Variants in RAP1GDS1 observed in about 807,000 individuals in gnomAD.
RAP1GDS1 encodes the protein Rap1 GTPase-GDP dissociation stimulator 1.
In RAP1GDS1, 35 loss-of-function variants were observed where a neutral mutation model predicts 71.1. The ratio of observed to expected loss-of-function variants is 0.49; its 90% confidence interval spans 0.38 to 0.65. The LOEUF is 0.65. Ranked by LOEUF, RAP1GDS1 falls within the 30% of genes least tolerant of loss-of-function variation. The probability of loss-of-function intolerance (pLI) is 0.00; values close to 1 mark genes in which losing one functional copy is unlikely to be tolerated. For missense variants in RAP1GDS1, 663 were observed against 706.1 expected (o/e 0.94, Z 0.69); for synonymous variants, 229 against 243.1 (o/e 0.94, Z 0.54).
chr4:98,263,992 A>G (rs950517796), intron 1 of RAP1GDS1, among the ~76,000 whole-genome samples: 22 of 152,246 alleles, frequency 1.4e-4, no homozygotes, highest in African/African-American at 5.1e-4. Flanking sequence ...ACAGTTTTAT[A>G]TCTGGGCCAA....
intron 12 of RAP1GDS1, among the ~76,000 whole-genome samples, chr4:98,427,517 T>C (rs1010318048): frequency 2.6e-5 from 4 of 151,988 alleles, no homozygotes; most frequent in Admixed American, 6.6e-5. Context: ...TTCAGCAAAG[T>C]TTCCAGATAC....
intron 5 of RAP1GDS1, among the ~76,000 whole-genome samples, chr4:98,380,370 T>G (rs1741825446): frequency 1.3e-5 from 2 of 151,954 alleles, no homozygotes; most frequent in South Asian, 4.1e-4. Flanking sequence ...TTTTTAATAC[T>G]ATAGAAGCTA....
intron 12 of RAP1GDS1, among the ~76,000 whole-genome samples, chr4:98,425,555 A>G (rs1749499130): frequency 6.6e-6 from 1 of 152,236 alleles, no homozygotes. Flanking sequence ...GTAAATGGAT[A>G]CCAAAAGTCA....
chr4:98,289,799 C>A (rs1303607072), intron 1 of RAP1GDS1, among the ~76,000 whole-genome samples: 1 of 151,966 alleles, frequency 6.6e-6, no homozygotes, highest in Admixed American at 6.6e-5. Flanking sequence ...AAGCCAGGTG[C>A]CCCAAATTGA....
intron 2 of RAP1GDS1, among the ~76,000 whole-genome samples, chr4:98,314,635 G>C (rs954852515): frequency 6.6e-6 from 1 of 152,126 alleles, no homozygotes; most frequent in African/African-American, 2.4e-5. Flanking sequence ...TATTCAACTA[G>C]CATTAATTGT....
intron 5 of RAP1GDS1, among the ~76,000 whole-genome samples, chr4:98,390,053 A>G (rs1743371894): frequency 6.6e-6 from 1 of 152,198 alleles, no homozygotes; most frequent in Admixed American, 6.5e-5. Flanking sequence ...AGTATTTGAC[A>G]AAGTAGTGAA....
In RAP1GDS1 at chr4:98,295,336, A is replaced by G. The variant is rs574636604; in HGVS notation, c.112+1821A>G. Among the ~76,000 whole-genome samples the G allele has an allele frequency of 1.8e-3, 279 of 152,266 alleles. 1 individual carries two copies. Among genetic ancestry groups the G allele is most frequent in the South Asian group, 0.018 (86 of 4,828 alleles). The stretch of plus-strand genomic sequence containing the variant: ...TCACCAATTTAACTAATGATGCCCC[A>G]GGAAGGGAACAAAAGGAATGTCTTG... On this transcript the variant is annotated intron_variant, in intron 2 of 14. Transcript: ENST00000408927.
At chr4:98,379,197 G>C in intron 5 of RAP1GDS1, 34 bp downstream of exon 5, 1 of 1,509,008 alleles carries the variant, frequency 6.6e-7, no homozygotes, top group Non-Finnish European at 8.8e-7. Flanking sequence ...TTATCTCTGG[G>C]GGAAAAATTA....
chr4:98,398,202 TGGAGAAATA>T (rs1302604990), intron 6 of RAP1GDS1, among the ~76,000 whole-genome samples: 1 of 150,144 alleles, frequency 6.7e-6, no homozygotes, highest in African/African-American at 2.5e-5. Context: ...AGACAAAAAT[TGGAGAAATA>T]GTTGTACGAG....
At chr4:98,343,420 C>T in intron 3 of RAP1GDS1, 159 bp downstream of exon 3, 1 of 906,972 alleles carries the variant, frequency 1.1e-6, no homozygotes, top group Non-Finnish European at 1.6e-6. Flanking sequence ...TTTTAAATGG[C>T]TATAGTTACA....
intron 4 of RAP1GDS1, among the ~76,000 whole-genome samples, chr4:98,378,647 A>G (rs1285517915): frequency 2.0e-5 from 3 of 151,742 alleles, no homozygotes; most frequent in Admixed American, 1.3e-4. Flanking sequence ...AGGGACAAAA[A>G]CTTATATCAA....
intron 6 of RAP1GDS1, among the ~76,000 whole-genome samples, chr4:98,400,025 G>T (rs779950476): frequency 6.6e-6 from 1 of 152,046 alleles, no homozygotes; most frequent in Non-Finnish European, 1.5e-5. Context: ...TGGTGGCACA[G>T]GTGTATAGTC....
At chr4:98,372,895 G>A (rs1305140542) in intron 4 of RAP1GDS1, among the ~76,000 whole-genome samples, 2 of 152,020 alleles carry the variant, frequency 1.3e-5, no homozygotes, top group South Asian at 2.1e-4. Context: ...TCACTGTGTT[G>A]CCCAGGCTGA....
Position 98,262,443 on chromosome 4 carries a change from A to G in RAP1GDS1, c.4+874A>G, listed in dbSNP as rs566358834. Among the ~76,000 whole-genome samples, 4 of 152,348 alleles carry G rather than the reference A, an allele frequency of 2.6e-5. No homozygotes were observed. The South Asian group carries it at 6.2e-4, about 24-fold the overall frequency. ...AGATTTAAGAGCAAATATGTTTTAT[A>G]AAACGATATATACATTTGACCTAAT... On this transcript the variant is annotated intron_variant, in intron 1 of 14. Transcript: ENST00000408927.
chr4:98,427,862 T>G (rs1749832051), intron 12 of RAP1GDS1, among the ~76,000 whole-genome samples: 1 of 151,896 alleles, frequency 6.6e-6, no homozygotes, highest in Admixed American at 6.6e-5. Context: ...AAAAAACAAT[T>G]CTAAAATTCA....
chr4:98,399,132 CAAA>C (rs964718407), intron 6 of RAP1GDS1, among the ~76,000 whole-genome samples: 3 of 151,810 alleles, frequency 2.0e-5, no homozygotes, highest in African/African-American at 7.3e-5. Flanking sequence ...TAGGCAAAAA[CAAA>C]AGAGAAATGC....
At chr4:98,329,855 G>A (rs6532731) in intron 2 of RAP1GDS1, among the ~76,000 whole-genome samples, 1 of 148,734 alleles carries the variant, frequency 6.7e-6, no homozygotes, top group Non-Finnish European at 1.5e-5. Flanking sequence ...GTAAATACTT[G>A]TTTTTTATTC....
At chr4:98,437,102 CAT>C (rs893181215) in intron 14 of RAP1GDS1, 34 bp downstream of exon 14, 3 of 1,533,288 alleles carry the variant, frequency 2.0e-6, no homozygotes, top group Non-Finnish European at 8.7e-7. Context: ...TGTCCATAAA[CAT>C]ATGGTTCACA....
In RAP1GDS1 at chr4:98,264,251, C is replaced by G. The variant is rs185204032; in HGVS notation, c.4+2682C>G. On this transcript the variant is annotated intron_variant, in intron 1 of 14. Transcript: ENST00000408927. Reference sequence around the variant, plus strand: ...ACTAAAAATACAAAAAAACAATTAGCCGGGTGTGGTGGCGGGCGCCTGTAA... The same window carrying G: ...ACTAAAAATACAAAAAAACAATTAGGCGGGTGTGGTGGCGGGCGCCTGTAA... Among the ~76,000 whole-genome samples the G allele has an allele frequency of 4.9e-3, 752 of 152,162 alleles. 7 individuals are homozygous for G. Among genetic ancestry groups the G allele is most frequent in the South Asian group, 0.018 (85 of 4,828 alleles).
Sources: gnomAD v4.1 joint callset for allele counts (sites outside exome capture counted in the v4.1 genomes callset) on GRCh38, gnomAD v4.1.1 for gene constraint, MANE v1.5 for transcripts, NCBI Gene and HGNC (gene_info 2026-07-23, HGNC 2026-07-21) for gene names.